The following TNS1 variants were observed in gnomAD, a reference collection of about 807,000 sequenced individuals.
The protein encoded by TNS1 is tensin-1.
Under a neutral mutation model 168.6 loss-of-function variants are expected in TNS1, and 62 were observed. The observed-to-expected ratio is 0.37, with a 90% CI of 0.30 to 0.45. The LOEUF (loss-of-function observed/expected upper bound fraction) is 0.45. Ranked by LOEUF, TNS1 falls within the 20% of genes least tolerant of loss-of-function variation. The pLI, the probability that TNS1 is intolerant of heterozygous loss-of-function variation, is 1.00. For missense variants in TNS1, 2,240 were observed against 2,339.4 expected, an observed-to-expected ratio of 0.96 and a Z score of 0.88; for synonymous variants, 934 against 933.2, an observed-to-expected ratio of 1.00 and a Z score of -0.02.
intron 19 of TNS1, among the ~76,000 whole-genome samples, chr2:217,839,978 C>T (rs1331710653): frequency 1.3e-5 from 2 of 152,366 alleles, no homozygotes; most frequent in East Asian, 1.9e-4. Flanking sequence ...CCAGAACCTG[C>T]CCCTACCCAG....
intron 1 of TNS1, among the ~76,000 whole-genome samples, chr2:218,023,841 C>G (rs928038299): frequency 6.6e-6 from 1 of 152,204 alleles, no homozygotes; most frequent in South Asian, 2.1e-4. Flanking sequence ...TGTCCCCACC[C>G]TTACTCCCAA....
At position 217,897,788 on chromosome 2, in the gene TNS1, C is replaced by T. The variant is rs1239940148; in HGVS notation, c.543+10G>A. The T allele has an allele frequency of 6.3e-7, 1 of 1,586,130 alleles. No individual in the cohort carries two copies. Among genetic ancestry groups the T allele is most frequent in the South Asian group, 1.2e-5 (1 of 84,518 alleles). ...GGCACAGGACAGTGGGCACGAGGATCCATCCTCACCAGGTAGTTGCCTCCA... is the reference window on the plus strand; with the variant it reads ...GGCACAGGACAGTGGGCACGAGGATTCATCCTCACCAGGTAGTTGCCTCCA... On this transcript the variant is annotated intron_variant, in intron 8 of 32. Coordinates refer to ENST00000682258, the MANE Select transcript of TNS1 (RefSeq NM_001387777.1).
intron 18 of TNS1, among the ~76,000 whole-genome samples, chr2:217,863,326 A>T (rs534905350): frequency 1.3e-5 from 2 of 152,154 alleles, no homozygotes; most frequent in African/African-American, 4.8e-5. Context: ...CCCCCAGGGA[A>T]TGTGTGACAA....
chr2:217,836,680 AACAAAGACATGACTAAGCCT>A (rs1237389205), intron 19 of TNS1, among the ~76,000 whole-genome samples: 1 of 152,172 alleles, frequency 6.6e-6, no homozygotes, highest in Non-Finnish European at 1.5e-5. Context: ...CCCAAGGAGA[AACAAAGACATGACTAAGCCT>A]TGTTACGAAG....
chr2:217,812,363 C>T lies in TNS1; in HGVS notation c.5032+5G>A. 5.0e-6 allele frequency: 8 copies of T among 1,613,584 alleles called. No homozygotes were observed. Among genetic ancestry groups the T allele is most frequent in the Non-Finnish European group, 6.8e-6 (8 of 1,179,736 alleles). Reference sequence around the variant, plus strand: ...GGTGGTGAGCCAGGAGTCTCACGTTCCTACCTCGGTTTGGAATGACCAGCT... The same window carrying T: ...GGTGGTGAGCCAGGAGTCTCACGTTTCTACCTCGGTTTGGAATGACCAGCT... On this transcript the variant is annotated splice_donor_5th_base_variant and intron_variant, in intron 28 of 32. Transcript: ENST00000682258.
At position 217,835,102 on chromosome 2, in the gene TNS1, G is replaced by A; in HGVS notation, c.3269C>T (p.Pro1090Leu). 1 of 1,583,674 alleles carries A rather than the reference G, an allele frequency of 6.3e-7. No individual in the cohort carries two copies. The highest frequency in any genetic ancestry group is 8.6e-7 in the Non-Finnish European group (1 of 1,169,190). Residue 1090 changes from proline to leucine, a missense_variant, in exon 21 of 33, where the codon CCA becomes CTA. This residue lies in a region of TNS1 where 2,131 missense variants were observed against 2,171.2 expected (regional missense o/e 0.98). Transcript: ENST00000682258. ...EMEGTSPSSP[P>L]PSGVRSPPGL... is the part of the protein sequence containing the mutation. ...CAGGGAATTCTTACCCCCACTGGGT[G>A]GTGGGCTGCTCGGGGAGGTTCCCTC...
At chr2:217,928,841 A>G (rs1416700823) in intron 3 of TNS1, among the ~76,000 whole-genome samples, 1 of 151,632 alleles carries the variant, frequency 6.6e-6, no homozygotes, top group Non-Finnish European at 1.5e-5. Flanking sequence ...CCCCCAGCCC[A>G]CTGCTAGGCT....
In TNS1 at chr2:217,848,531, C is replaced by T; in HGVS notation, c.1986G>A (p.Leu662=). ...NTSEGGYPEA[L]SPLTNGLDKS... is the part of the protein sequence containing the mutation. ...TGTCCAGACCGTTGGTCAGTGGGGA[C>T]AGGGCCTCTGGGTAGCCCCCCTCAC... Residue 662 remains leucine, a synonymous_variant, in exon 19 of 33, where the codon CTG becomes CTA. Transcript: ENST00000682258. 6.2e-7 allele frequency: 1 copy of T among 1,613,810 alleles called. No individual in the cohort carries two copies. The highest frequency in any genetic ancestry group is 8.5e-7 in the Non-Finnish European group (1 of 1,179,796).
At position 217,800,185 on chromosome 2, in the gene TNS1, A is replaced by T. The variant is rs1937268262; in HGVS notation, c.*4274T>A. On this transcript the variant is annotated 3_prime_UTR_variant, in exon 33 of 33. Transcript: ENST00000682258. Reference sequence around the variant, plus strand: ...ACACGCACAAACAAAACACAGACACAGGAGAGTTTCAAACAGCTTAACACT... The same window carrying T: ...ACACGCACAAACAAAACACAGACACTGGAGAGTTTCAAACAGCTTAACACT... The T allele has an allele frequency of 6.6e-6, 1 of 152,316 alleles. No individual in the cohort carries two copies. Among genetic ancestry groups the T allele is most frequent in the African/African-American group, 2.4e-5 (1 of 41,450 alleles). The allele number at this position is 152,316 out of a possible 1,614,324, so 9.4% of individuals were successfully genotyped here.
intron 3 of TNS1, among the ~76,000 whole-genome samples, chr2:217,973,226 G>A (rs559375817): frequency 3.9e-5 from 6 of 152,036 alleles, no homozygotes; most frequent in African/African-American, 1.4e-4. Flanking sequence ...GTGTGGTGGC[G>A]CACACTGCAG....
At chr2:217,809,797 C>T in intron 30 of TNS1, 26 bp downstream of exon 30, 1 of 1,602,724 alleles carries the variant, frequency 6.2e-7, no homozygotes, top group Non-Finnish European at 8.5e-7. Context: ...GAGAACCCCA[C>T]CGAGGAGCAG....
intron 30 of TNS1, among the ~76,000 whole-genome samples, chr2:217,809,297 ATAGG>A (rs1488399736): frequency 1.0e-5 from 1 of 95,594 alleles, no homozygotes; most frequent in Non-Finnish European, 2.2e-5. Context: ...GGATGGATGG[ATAGG>A]TGCATGGATG....
At chr2:217,822,539 C>T (rs1943031075) in intron 22 of TNS1, among the ~76,000 whole-genome samples, 1 of 152,196 alleles carries the variant, frequency 6.6e-6, no homozygotes, top group South Asian at 2.1e-4. Flanking sequence ...ACTCAGCATT[C>T]CTCTAGAGAC....
chr2:217,937,748 A>C (rs1311916455), intron 3 of TNS1, among the ~76,000 whole-genome samples: 1 of 152,078 alleles, frequency 6.6e-6, no homozygotes, highest in Non-Finnish European at 1.5e-5. Context: ...ACTGAGGCCC[A>C]GCGAGAGAAG....
At chr2:217,892,453 T>C (rs151093949) in intron 11 of TNS1, among the ~76,000 whole-genome samples, 160 of 152,310 alleles carry the variant, frequency 1.1e-3, no homozygotes, top group African/African-American at 3.7e-3. Flanking sequence ...CCTCTGCCTC[T>C]CTGCAGAGTG....
intron 3 of TNS1, 131 bp from the exon 4 acceptor site, chr2:217,920,367 T>C: frequency 3.0e-6 from 2 of 660,608 alleles, no homozygotes; most frequent in Non-Finnish European, 2.8e-6. Context: ...GGGTTGAGAG[T>C]TCTTCAGCAG....
chr2:217,904,193 A>C (rs1953379629), intron 6 of TNS1, among the ~76,000 whole-genome samples: 1 of 151,308 alleles, frequency 6.6e-6, no homozygotes, highest in Non-Finnish European at 1.5e-5. Context: ...CTTCCTGCCC[A>C]CTAGCCTGGA....
chr2:217,954,922 T>C (rs1410578241), intron 3 of TNS1, among the ~76,000 whole-genome samples: 1 of 152,026 alleles, frequency 6.6e-6, no homozygotes, highest in Non-Finnish European at 1.5e-5. Flanking sequence ...CACATACACA[T>C]GCACAGAAGG....
At chr2:217,816,970 A>G (rs1237333933) in intron 24 of TNS1, among the ~76,000 whole-genome samples, 2 of 152,204 alleles carry the variant, frequency 1.3e-5, no homozygotes, top group African/African-American at 4.8e-5. Context: ...GAGCTTTCTA[A>G]GTAGAGGCAA....
Sources: gnomAD v4.1 joint callset for allele counts (sites outside exome capture counted in the v4.1 genomes callset) on GRCh38, gnomAD v4.1.1 for gene constraint, gnomAD v4.1.1 regional missense constraint, MANE v1.5 for transcripts, NCBI Gene and HGNC (gene_info 2026-07-23, HGNC 2026-07-21) for gene names.